MIS18BP1: variants seen among roughly 807,000 people sequenced by gnomAD.
The protein encoded by MIS18BP1 is MIS18 binding protein 1.
A neutral mutation model predicts 116.1 loss-of-function variants in MIS18BP1; 72 were observed. The observed-to-expected ratio is 0.62, with a 90% CI of 0.51 to 0.75. The LOEUF (loss-of-function observed/expected upper bound fraction) is 0.75. MIS18BP1 is among the 30% of genes least tolerant of loss of function. The pLI is 0.00. For missense variants in MIS18BP1, 1,363 were observed against 1,303.2 expected (o/e 1.05, Z -0.71); for synonymous variants, 386 against 427.0 (o/e 0.90, Z 1.18).
intron 13 of MIS18BP1, among the ~76,000 whole-genome samples, chr14:45,213,398 G>A (rs1343441351): frequency 1.3e-5 from 2 of 152,160 alleles, no homozygotes; most frequent in African/African-American, 4.8e-5. Context: ...AAATTTTAAG[G>A]TCAAGGAACA....
Position 45,242,453 on chromosome 14 carries a change from T to C in MIS18BP1, c.724A>G (p.Thr242Ala). ...LAVEARNKTL[T>A]RAQLAKQIFH... Reference sequence around the variant, plus strand: ...ATTTGTTTAGCCAACTGAGCTCTAGTTAATGTCTTGTTTCGGGCTTCTACA... The same window carrying C: ...ATTTGTTTAGCCAACTGAGCTCTAGCTAATGTCTTGTTTCGGGCTTCTACA... The change falls in exon 4 of 17, where the codon ACT becomes GCT. Residue 242 changes from threonine to alanine, a missense_variant. Transcript: ENST00000310806. 6.2e-7 allele frequency: 1 copy of C among 1,612,254 alleles called. No individual in the cohort carries two copies. Among genetic ancestry groups the C allele is most frequent in the Non-Finnish European group, 8.5e-7 (1 of 1,179,630 alleles).
intron 11 of MIS18BP1, among the ~76,000 whole-genome samples, chr14:45,220,438 G>C (rs369724733): frequency 6.6e-6 from 1 of 152,254 alleles, no homozygotes; most frequent in South Asian, 2.1e-4. Flanking sequence ...TGGGGCCTAG[G>C]GGGAGGTGAT....
At chr14:45,226,993 C>A (rs1394053777) in intron 9 of MIS18BP1, among the ~76,000 whole-genome samples, 157 bp from the exon 10 acceptor site, 2 of 152,162 alleles carry the variant, frequency 1.3e-5, no homozygotes, top group East Asian at 3.9e-4. Flanking sequence ...CTTGCCAGAC[C>A]TTGAGCACTA....
intron 1 of MIS18BP1, among the ~76,000 whole-genome samples, chr14:45,252,384 T>A (rs1223209404): frequency 6.6e-6 from 1 of 152,214 alleles, no homozygotes; most frequent in Non-Finnish European, 1.5e-5. Flanking sequence ...AACATAGAAT[T>A]GCATTTGTTT....
At position 45,242,792 on chromosome 14, in the gene MIS18BP1, T is replaced by C. The variant is rs1327353762; in HGVS notation, c.627A>G (p.Glu209=). The C allele has an allele frequency of 6.2e-7, 1 of 1,613,260 alleles. No individual in the cohort carries two copies. Among genetic ancestry groups the C allele is most frequent in the Non-Finnish European group, 8.5e-7 (1 of 1,179,592 alleles). ...TTAAATTGTGCAGTGGTGCTTTCTT[T>C]TCCTGCTGGCACTGAATCTTTTGTT... The part of the protein sequence containing the change: ...PVKQKIQCQQ[E]KKAPLHNLTY... Residue 209 remains glutamate (E), a synonymous_variant, in exon 3 of 17, where the codon GAA becomes GAG. Coordinates refer to ENST00000310806, the MANE Select transcript of MIS18BP1 (RefSeq NM_018353.5).
Position 45,224,570 on chromosome 14 carries a change from C to G in MIS18BP1, c.2017G>C (p.Gly673Arg). 6.2e-7 allele frequency: 1 copy of G among 1,613,122 alleles called. No individual in the cohort carries two copies. Residue 673 changes from glycine (G) to arginine (R), a missense_variant, in exon 11 of 17, where the codon GGC becomes CGC. Coordinates refer to ENST00000310806, the MANE Select transcript of MIS18BP1 (RefSeq NM_018353.5). ...AAATCTGTTACTGCTTTGATGGTGC[C>G]AGCGGACAGATTATACCTCATGCAT... ...QRCMRYNLSAGTIKAVTDFVI... is the reference protein window; with the variant it reads ...QRCMRYNLSARTIKAVTDFVI...
At chr14:45,227,315 T>C (rs1289915282) in intron 9 of MIS18BP1, among the ~76,000 whole-genome samples, 1 of 151,952 alleles carries the variant, frequency 6.6e-6, no homozygotes, top group African/African-American at 2.4e-5. Context: ...GAGACCAGCC[T>C]GGCCAATATG....
chr14:45,240,461 C>T (rs1891544936), intron 4 of MIS18BP1, among the ~76,000 whole-genome samples: 1 of 151,872 alleles, frequency 6.6e-6, no homozygotes, highest in African/African-American at 2.4e-5. Flanking sequence ...TTTCTCCCTA[C>T]CTACACGCAC....
intron 14 of MIS18BP1, among the ~76,000 whole-genome samples, chr14:45,209,543 G>A (rs1594498127): frequency 6.6e-6 from 1 of 151,964 alleles, no homozygotes; most frequent in African/African-American, 2.4e-5. Flanking sequence ...TGTTGCCCAT[G>A]CTGGTCTTGA....
At chr14:45,234,781 A>C (rs959942307) in intron 6 of MIS18BP1, among the ~76,000 whole-genome samples, 1 of 152,208 alleles carries the variant, frequency 6.6e-6, no homozygotes, top group Non-Finnish European at 1.5e-5. Flanking sequence ...AGCTGTGTGC[A>C]AGGCATAGGT....
Position 45,204,178 on chromosome 14 carries a change from GAA to G in MIS18BP1, c.3328_3329del (p.Phe1110HisfsTer2), listed in dbSNP as rs1890445736. 6.2e-7 allele frequency: 1 copy of G among 1,611,028 alleles called. No individual in the cohort carries two copies. The highest frequency in any genetic ancestry group is 8.5e-7 in the Non-Finnish European group (1 of 1,178,904). The stretch of plus-strand genomic sequence containing the variant: ...CATCTAAAGATTCCACAGCATTAGT[GAA>G]AAGTTTTCCAATACCAGAGTTTTCT... ...LGENSGIGKL[F>X]TNAVESLDEE... On this transcript the variant is annotated frameshift_variant, in exon 17 of 17. Coordinates refer to ENST00000310806, the MANE Select transcript of MIS18BP1 (RefSeq NM_018353.5). LOFTEE classifies it high-confidence loss of function.
chr14:45,214,241 A>C (rs1317819760), intron 13 of MIS18BP1, among the ~76,000 whole-genome samples: 2 of 152,248 alleles, frequency 1.3e-5, no homozygotes, highest in Non-Finnish European at 2.9e-5. Context: ...GCAATAGAAT[A>C]TCTCAGTGTA....
At chr14:45,212,761 T>C (rs926529527) in intron 13 of MIS18BP1, among the ~76,000 whole-genome samples, 62 of 152,190 alleles carry the variant, frequency 4.1e-4, no homozygotes, top group Non-Finnish European at 1.8e-4. Context: ...GTAAACACAC[T>C]GTAACTTGCT....
At chr14:45,230,323 T>C (rs1024512256) in intron 8 of MIS18BP1, among the ~76,000 whole-genome samples, 1 of 152,162 alleles carries the variant, frequency 6.6e-6, no homozygotes, top group Non-Finnish European at 1.5e-5. Context: ...CTCTGGCAAG[T>C]TGGTCTCCTT....
At chr14:45,244,255 G>T (rs1350345056) in intron 2 of MIS18BP1, among the ~76,000 whole-genome samples, 1 of 152,100 alleles carries the variant, frequency 6.6e-6, no homozygotes, top group Admixed American at 6.5e-5. Context: ...GACCACTAAT[G>T]GGCATCTACC....
rs1489548739 is a variant in MIS18BP1, at chr14:45,203,995, G to A, written c.*114C>T. The A allele has an allele frequency of 4.2e-6, 6 of 1,429,022 alleles. No homozygotes were observed. Among genetic ancestry groups the A allele is most frequent in the Non-Finnish European group, 5.6e-6 (6 of 1,077,452 alleles). The allele number at this position is 1,429,022 out of a possible 1,614,324, so 88.5% of individuals were successfully genotyped here. A position where few individuals can be genotyped will look rare whatever the true frequency, so the allele number is the denominator to read the frequency against. On this transcript the variant is annotated 3_prime_UTR_variant, in exon 17 of 17. Transcript: ENST00000310806. Reference sequence around the variant, plus strand: ...ACAAACATATGAAACCTTCAAAAAAGTCCACATTTTCATAGGAAGCTACTT... The same window carrying A: ...ACAAACATATGAAACCTTCAAAAAAATCCACATTTTCATAGGAAGCTACTT...
intron 4 of MIS18BP1, among the ~76,000 whole-genome samples, chr14:45,238,091 T>C (rs1224363387): frequency 1.3e-5 from 2 of 151,428 alleles, no homozygotes; most frequent in Admixed American, 1.3e-4. Context: ...GAGTTAGCTA[T>C]GTTTTGTCCT....
rs754993633 is a variant in MIS18BP1, at chr14:45,210,537, C to G, written c.3004-9G>C. ...TCCTGGAAACTTGGCAACTAGAAAACAAGTATTTATTATCAGCAGGCACCC... is the reference window on the plus strand; with the variant it reads ...TCCTGGAAACTTGGCAACTAGAAAAGAAGTATTTATTATCAGCAGGCACCC... On this transcript the variant is annotated splice_polypyrimidine_tract_variant and intron_variant, in intron 13 of 16. Coordinates refer to ENST00000310806, the MANE Select transcript of MIS18BP1 (RefSeq NM_018353.5). The G allele has an allele frequency of 8.1e-6, 13 of 1,613,444 alleles. No homozygotes were observed. The South Asian group carries it at 1.1e-4, about 14-fold the overall frequency.
In MIS18BP1 at chr14:45,208,729, A is replaced by C. The variant is rs1374064837; in HGVS notation, c.3152+1651T>G. Reference sequence around the variant, plus strand: ...CTCAGTATGCTTTCCCCTGCACTAAATACTAAAAATAATTTTTAGATGCCT... The same window carrying C: ...CTCAGTATGCTTTCCCCTGCACTAACTACTAAAAATAATTTTTAGATGCCT... On this transcript the variant is annotated intron_variant, in intron 14 of 16. Transcript: ENST00000310806. Among the ~76,000 whole-genome samples, 3 of 152,198 alleles carry C rather than the reference A, an allele frequency of 2.0e-5. No homozygotes were observed. In the East Asian group the frequency reaches 5.8e-4, roughly 29 times the overall value.
Sources: gnomAD v4.1 joint callset for allele counts (sites outside exome capture counted in the v4.1 genomes callset) on GRCh38, gnomAD v4.1.1 for gene constraint, MANE v1.5 for transcripts, NCBI Gene and HGNC (gene_info 2026-07-23, HGNC 2026-07-21) for gene names.